Variants in SORD observed in about 807,000 individuals in gnomAD.
SORD encodes sorbitol dehydrogenase.
In SORD, 18 loss-of-function variants were observed where a neutral mutation model predicts 35.6. The observed-to-expected ratio is 0.51, with a 90% CI of 0.35 to 0.75. The LOEUF (loss-of-function observed/expected upper bound fraction) is 0.75, where lower values mean the gene tolerates loss of function less well. Ranked by LOEUF, SORD falls within the 30% of genes least tolerant of loss-of-function variation. SORD has a pLI of 0.01. For synonymous variants in SORD, 106 were observed against 152.9 expected, an observed-to-expected ratio of 0.69 and a Z score of 2.26; for missense variants, 250 against 390.2, an observed-to-expected ratio of 0.64 and a Z score of 3.03.
At chr15:45,034,832 A>T (rs935914199) in intron 1 of SORD, among the ~76,000 whole-genome samples, 28 of 152,152 alleles carry the variant, frequency 1.8e-4, no homozygotes, top group African/African-American at 6.8e-4. Flanking sequence ...GGAGGTGTGG[A>T]GAGAGAGGCG....
intron 3 of SORD, among the ~76,000 whole-genome samples, chr15:45,053,594 A>C (rs1411552287): frequency 6.6e-6 from 1 of 152,194 alleles, no homozygotes; most frequent in Non-Finnish European, 1.5e-5. Context: ...AATTTATGAC[A>C]GGCTTATGTT....
intron 3 of SORD, among the ~76,000 whole-genome samples, chr15:45,049,574 A>G (rs542401850): frequency 2.0e-4 from 31 of 152,332 alleles, no homozygotes; most frequent in African/African-American, 7.2e-4. Context: ...ATGCCTGCCA[A>G]GATTTGGGTG....
At chr15:45,031,127 A>G (rs2141263896) in intron 1 of SORD, among the ~76,000 whole-genome samples, 1 of 152,328 alleles carries the variant, frequency 6.6e-6, no homozygotes, top group South Asian at 2.1e-4. Context: ...GGAGTTTGAG[A>G]CCAGCCTGGG....
chr15:45,044,244 G>A (rs1331846044), intron 3 of SORD, among the ~76,000 whole-genome samples: 1 of 152,216 alleles, frequency 6.6e-6, no homozygotes, highest in Admixed American at 6.5e-5. Context: ...AACAGCCACT[G>A]ATGATTGGTT....
chr15:45,067,178 A>G (rs1183320650), intron 5 of SORD, among the ~76,000 whole-genome samples: 1 of 152,152 alleles, frequency 6.6e-6, no homozygotes, highest in Non-Finnish European at 1.5e-5. Flanking sequence ...CCTGGCCAAC[A>G]TGGTGAAACC....
chr15:45,064,808 A>G (rs1282579345), intron 4 of SORD, among the ~76,000 whole-genome samples: 2 of 152,252 alleles, frequency 1.3e-5, no homozygotes, highest in Non-Finnish European at 2.9e-5. Flanking sequence ...CTTGTTAAAT[A>G]AACTTTTCAT....
chr15:45,024,861 G>A (rs1440425427), intron 1 of SORD, among the ~76,000 whole-genome samples: 1 of 152,228 alleles, frequency 6.6e-6, no homozygotes, highest in Non-Finnish European at 1.5e-5. Flanking sequence ...CGAGGGCTTT[G>A]ATGGAGGCCT....
intron 1 of SORD, among the ~76,000 whole-genome samples, chr15:45,031,578 A>G (rs1892787432): frequency 6.6e-6 from 1 of 152,266 alleles, no homozygotes; most frequent in African/African-American, 2.4e-5. Context: ...AGGAATGTCC[A>G]TTGTCATAAC....
intron 1 of SORD, among the ~76,000 whole-genome samples, chr15:45,031,066 C>T (rs3784572): frequency 0.21 from 31,087 of 150,554 alleles, 5 homozygotes; most frequent in African/African-American, 0.44. Flanking sequence ...TGGTTCACAC[C>T]TGTAATCTCA....
In SORD at chr15:45,061,096, C is replaced by A. The variant is rs1259671855; in HGVS notation, c.295C>A (p.Pro99Thr). ...GDRVAIEPGA[P>T]RENDEFCKMG... Reference sequence around the variant, plus strand: ...TCGTGTTGCCATCGAGCCTGGTGCTCCCCGAGAAAATGATGAATTCTGCAA... The same window carrying A: ...TCGTGTTGCCATCGAGCCTGGTGCTACCCGAGAAAATGATGAATTCTGCAA... Residue 99 changes from proline to threonine, a missense_variant, in exon 4 of 9, where the codon CCC becomes ACC. Physicochemically the swap from Pro to Thr is conservative, Grantham distance 38 (BLOSUM62 -1). Around this residue, in one of 8 missense-constraint regions of SORD, gnomAD observed 126 missense variants for 148.7 expected, o/e 0.85. Coordinates refer to ENST00000267814, the MANE Select transcript of SORD (RefSeq NM_003104.6). The A allele has an allele frequency of 2.5e-6, 4 of 1,614,038 alleles. No individual in the cohort carries two copies. In the South Asian group the frequency reaches 4.4e-5, roughly 18 times the overall value.
rs765674420 is a variant in SORD, at chr15:45,068,997, C to T, written c.731C>T (p.Pro244Leu). The T allele has an allele frequency of 6.8e-6, 11 of 1,611,138 alleles. No homozygotes were observed. Among genetic ancestry groups the T allele is most frequent in the African/African-American group, 2.7e-5 (2 of 74,472 alleles). The part of the protein sequence containing the change: ...RKVEGQLGCK[P>L]EVTIECTGAE... ...GTAGAAGGTCAGCTGGGGTGCAAGC[C>T]GGAAGTCACCATCGAGTGCACGGGG... is the stretch of plus-strand genomic sequence containing the variant. The change falls in exon 7 of 9, where the codon CCG becomes CTG. Residue 244 changes from proline to leucine, a missense_variant. Coordinates refer to ENST00000267814, the MANE Select transcript of SORD (RefSeq NM_003104.6).
intron 3 of SORD, among the ~76,000 whole-genome samples, chr15:45,046,157 A>T (rs978270402): frequency 1.3e-5 from 2 of 152,156 alleles, no homozygotes; most frequent in East Asian, 1.9e-4. Context: ...ATTCATCCTT[A>T]ATGACATAGG....
chr15:45,071,386 T>G (rs1893510514), intron 7 of SORD, among the ~76,000 whole-genome samples: 1 of 152,174 alleles, frequency 6.6e-6, no homozygotes, highest in Admixed American at 6.5e-5. Context: ...ACTCAAACCC[T>G]GAGTTCACCT....
chr15:45,062,488 C>T (rs1322381550), intron 4 of SORD, among the ~76,000 whole-genome samples: 1 of 151,918 alleles, frequency 6.6e-6, no homozygotes, highest in African/African-American at 2.4e-5. Context: ...GGTTTTCAGC[C>T]AGGATGGGGC....
At chr15:45,028,981 AG>A (rs1892724983) in intron 1 of SORD, among the ~76,000 whole-genome samples, 1 of 152,266 alleles carries the variant, frequency 6.6e-6, no homozygotes, top group Non-Finnish European at 1.5e-5. Context: ...ATCAGATTAA[AG>A]GGGCTGATAG....
At position 45,056,942 on chromosome 15, in the gene SORD, C is replaced by A. The variant is rs551413605; in HGVS notation, c.266-4125C>A. On this transcript the variant is annotated intron_variant, in intron 3 of 8. Transcript: ENST00000267814. Reference sequence around the variant, plus strand: ...GGTAGAAACAATTATCCCATGGATCCCACGTGTTAAACCATGCATATCTGT... The same window carrying A: ...GGTAGAAACAATTATCCCATGGATCACACGTGTTAAACCATGCATATCTGT... 8.5e-5 allele frequency among the ~76,000 whole-genome samples: 13 copies of A among 152,260 alleles called. No homozygotes were observed. The South Asian group carries it at 2.1e-3, about 24-fold the overall frequency.
intron 4 of SORD, among the ~76,000 whole-genome samples, chr15:45,061,969 C>T (rs2576098): frequency 0.2 from 29,585 of 150,436 alleles, 3,861 homozygotes; most frequent in Non-Finnish European, 0.3. Context: ...AGGGCTTGAG[C>T]TCTGGGATCC....
intron 3 of SORD, among the ~76,000 whole-genome samples, chr15:45,060,798 G>A (rs1017954233): frequency 6.6e-6 from 1 of 152,154 alleles, no homozygotes; most frequent in African/African-American, 2.4e-5. Flanking sequence ...ACTGGGCTGT[G>A]GAGGAGGGGG....
intron 1 of SORD, among the ~76,000 whole-genome samples, chr15:45,036,706 G>A (rs1892874107): frequency 6.6e-6 from 1 of 152,100 alleles, no homozygotes; most frequent in African/African-American, 2.4e-5. Context: ...ATCAGGGACT[G>A]CTGATGAGTT....
Sources: gnomAD v4.1 joint callset for allele counts (sites outside exome capture counted in the v4.1 genomes callset) on GRCh38, gnomAD v4.1.1 for gene constraint, gnomAD v4.1.1 regional missense constraint, MANE v1.5 for transcripts, NCBI Gene and HGNC (gene_info 2026-07-23, HGNC 2026-07-21) for gene names.